YPEL5: variants seen among roughly 807,000 people sequenced by gnomAD.
YPEL5 encodes the protein protein yippee-like 5.
YPEL5 carries 1 observed loss-of-function variant against 10.5 expected under a neutral mutation model. That is an observed-to-expected ratio of 0.10 (90% CI 0.03 to 0.45). The LOEUF is 0.45. YPEL5 is among the 20% of genes least tolerant of loss of function. The probability of loss-of-function intolerance (pLI) is 0.97; values close to 1 mark genes in which losing one functional copy is unlikely to be tolerated. For missense variants in YPEL5, 68 were observed against 159.3 expected (o/e 0.43, Z 3.09); for synonymous variants, 61 against 56.6 (o/e 1.08, Z -0.35).
chr2:30,150,622 A>G (rs1214789242), intron 1 of YPEL5, among the ~76,000 whole-genome samples: 1 of 152,228 alleles, frequency 6.6e-6, no homozygotes, highest in Non-Finnish European at 1.5e-5. Flanking sequence ...GATTTTAGCT[A>G]GAAAATCAGT....
At chr2:30,153,520 A>G (rs903876336) in intron 1 of YPEL5, among the ~76,000 whole-genome samples, 1 of 152,188 alleles carries the variant, frequency 6.6e-6, no homozygotes. Flanking sequence ...TAGCAGTGGC[A>G]TTTTAATGGA....
chr2:30,147,469 G>C (rs1383174849), intron 1 of YPEL5: 1 of 149,200 alleles, frequency 6.7e-6, no homozygotes, highest in Admixed American at 6.7e-5. Context: ...GTCTGGCCGC[G>C]ACCCCCAACC....
chr2:30,158,597 G>C lies in YPEL5; in HGVS notation c.142-22G>C, dbSNP rs779080213. 3.7e-6 allele frequency: 6 copies of C among 1,608,832 alleles called. No homozygotes were observed. In the South Asian group the frequency reaches 5.5e-5, roughly 15 times the overall value. The stretch of plus-strand genomic sequence containing the variant: ...AATAACTAACATGCCTTGCAATTTT[G>C]ATTTTCCTTGTCCCTTGTTAGGTAG... On this transcript the variant is annotated intron_variant, in intron 2 of 2. Transcript: ENST00000261353.
At chr2:30,153,166 G>T (rs1052475778) in intron 1 of YPEL5, among the ~76,000 whole-genome samples, 3 of 152,046 alleles carry the variant, frequency 2.0e-5, no homozygotes, top group Non-Finnish European at 4.4e-5. Flanking sequence ...CTCCCCAAAG[G>T]GCCGGGATTA....
intron 1 of YPEL5, among the ~76,000 whole-genome samples, chr2:30,154,691 G>A (rs1024283429): frequency 1.3e-5 from 2 of 152,188 alleles, no homozygotes; most frequent in Non-Finnish European, 2.9e-5. Context: ...AATTCAGCCT[G>A]TAGGCCTCGA....
At chr2:30,148,983 CCTTAG>C (rs1243669738) in intron 1 of YPEL5, among the ~76,000 whole-genome samples, 4 of 152,136 alleles carry the variant, frequency 2.6e-5, no homozygotes, top group Non-Finnish European at 4.4e-5. Flanking sequence ...AGGAACTGAA[CCTTAG>C]CTAGACCTGA....
Position 30,159,209 on chromosome 2 carries a change from G to T in YPEL5, c.*366G>T. 5.3e-6 allele frequency: 1 copy of T among 189,136 alleles called. No homozygotes were observed. Among genetic ancestry groups the T allele is most frequent in the Non-Finnish European group, 1.1e-5 (1 of 90,800 alleles). 11.7% of individuals were successfully genotyped at this position (189,136 alleles called of 1,614,324 possible). A position where few individuals can be genotyped will look rare whatever the true frequency, so the allele number is the denominator to read the frequency against. ...GTGAAAGGAAAATGTTAGGAGTATGGTTTTTAAACTTGGGCTTCATTTTAA... is the reference window on the plus strand; with the variant it reads ...GTGAAAGGAAAATGTTAGGAGTATGTTTTTTAAACTTGGGCTTCATTTTAA... On this transcript the variant is annotated 3_prime_UTR_variant, in exon 3 of 3. Coordinates refer to ENST00000261353, the MANE Select transcript of YPEL5 (RefSeq NM_016061.3).
In YPEL5 at chr2:30,160,432, A is replaced by G. The variant is rs1676227744; in HGVS notation, c.*1589A>G. On this transcript the variant is annotated 3_prime_UTR_variant, in exon 3 of 3. Coordinates refer to ENST00000261353, the MANE Select transcript of YPEL5 (RefSeq NM_016061.3). ...AGAACAACAGCATTCATTTCCATTC[A>G]TTTCCATACTGGCTTTTGATTATAT... is the stretch of plus-strand genomic sequence containing the variant. 6.6e-6 allele frequency: 1 copy of G among 152,208 alleles called. No individual in the cohort carries two copies. The highest frequency in any genetic ancestry group is 2.1e-4 in the South Asian group (1 of 4,832). The allele number at this position is 152,208 out of a possible 1,614,324, so 9.4% of individuals were successfully genotyped here. A position where few individuals can be genotyped will look rare whatever the true frequency, so the allele number is the denominator to read the frequency against.
chr2:30,155,479 C>CA (rs567587916), intron 1 of YPEL5, among the ~76,000 whole-genome samples: 3 of 152,084 alleles, frequency 2.0e-5, no homozygotes, highest in Admixed American at 6.5e-5. Context: ...TCCACAGTGG[C>CA]AGTTACATTA....
At chr2:30,149,543 C>T (rs1675680188) in intron 1 of YPEL5, among the ~76,000 whole-genome samples, 1 of 152,192 alleles carries the variant, frequency 6.6e-6, no homozygotes, top group African/African-American at 2.4e-5. Flanking sequence ...ATTACAATAG[C>T]AGTAAGTGCT....
At chr2:30,153,792 A>G (rs1047309305) in intron 1 of YPEL5, among the ~76,000 whole-genome samples, 1 of 152,256 alleles carries the variant, frequency 6.6e-6, no homozygotes, top group African/African-American at 2.4e-5. Flanking sequence ...GGAATAGTGT[A>G]ACATAAGGTT....
At chr2:30,158,117 T>G (rs1208264543) in intron 2 of YPEL5, among the ~76,000 whole-genome samples, 2 of 152,232 alleles carry the variant, frequency 1.3e-5, no homozygotes, top group African/African-American at 4.8e-5. Flanking sequence ...ACTTTAAAAC[T>G]ATGTACTGCA....
chr2:30,156,900 A>G (rs1676064332), intron 2 of YPEL5, 108 bp downstream of exon 2: 1 of 1,333,444 alleles, frequency 7.5e-7, no homozygotes, highest in East Asian at 2.3e-5. Flanking sequence ...TCAGAATGAG[A>G]GCTTGAAATC....
At chr2:30,147,742 C>G (rs1675535049) in intron 1 of YPEL5, 1 of 152,162 alleles carries the variant, frequency 6.6e-6, no homozygotes, top group Non-Finnish European at 1.5e-5. Context: ...ACTGACAGCG[C>G]AGGGTGACGG....
At chr2:30,155,818 A>G (rs1676014761) in intron 1 of YPEL5, 1 of 152,240 alleles carries the variant, frequency 6.6e-6, no homozygotes, top group Admixed American at 6.5e-5. Flanking sequence ...GGGAAAGCTT[A>G]TCTTTCCCTT....
chr2:30,158,910 A>G lies in YPEL5; in HGVS notation c.*67A>G. ...TGAAAACAAAAATCTACTTACATAC[A>G]CTGTCACCTTAGCATCAGAGTCGGA... On this transcript the variant is annotated 3_prime_UTR_variant, in exon 3 of 3. Coordinates refer to ENST00000261353, the MANE Select transcript of YPEL5 (RefSeq NM_016061.3). 2.1e-6 allele frequency: 3 copies of G among 1,449,858 alleles called. No individual in the cohort carries two copies. Among genetic ancestry groups the G allele is most frequent in the South Asian group, 1.2e-5 (1 of 84,540 alleles). The allele number at this position is 1,449,858 out of a possible 1,614,324, so 89.8% of individuals were successfully genotyped here.
intron 1 of YPEL5, among the ~76,000 whole-genome samples, chr2:30,153,524 T>C (rs1675907429): frequency 6.6e-6 from 1 of 152,192 alleles, no homozygotes; most frequent in South Asian, 2.1e-4. Flanking sequence ...AGTGGCATTT[T>C]AATGGATGTC....
Position 30,156,726 on chromosome 2 carries a change from C to G in YPEL5, c.75C>G (p.Thr25=), listed in dbSNP as rs772282280. The G allele has an allele frequency of 8.1e-6, 13 of 1,614,030 alleles. No individual in the cohort carries two copies. The East Asian group carries it at 2.9e-4, about 36-fold the overall frequency. Residue 25 remains threonine (T), a synonymous_variant, in exon 2 of 3, where the codon ACC becomes ACG. Transcript: ENST00000261353. ...FSCANCDTIL[T]NRSELISTRF... is the part of the protein sequence containing the mutation. The stretch of plus-strand genomic sequence containing the variant: ...GTGCAAACTGTGATACGATCCTGAC[C>G]AACCGCTCAGAACTCATCTCCACTC...
chr2:30,158,540 C>A, intron 2 of YPEL5, 79 bp from the exon 3 acceptor site: 7 of 1,350,840 alleles, frequency 5.2e-6, no homozygotes, highest in Non-Finnish European at 7.4e-6. Flanking sequence ...GTTGCTGTTG[C>A]ATTAACCATA....
Sources: allele counts gnomAD v4.1 joint callset (sites outside exome capture counted in the v4.1 genomes callset), GRCh38; gene constraint gnomAD v4.1.1; transcripts MANE v1.5; gene names NCBI Gene and HGNC (gene_info 2026-07-23, HGNC 2026-07-21).